Variants in NEK1 observed in about 807,000 individuals in gnomAD.
NEK1 encodes NIMA related kinase 1, also known as serine/threonine-protein kinase Nek1.
NEK1 carries 137 observed loss-of-function variants against 182.1 expected under a neutral mutation model. The observed-to-expected ratio is 0.75, with a 90% CI of 0.65 to 0.87. The LOEUF is 0.87. NEK1 is among the 40% of genes least tolerant of loss of function. NEK1 has a pLI of 0.00. For synonymous variants in NEK1, 513 were observed against 492.2 expected, an observed-to-expected ratio of 1.04 and a Z score of -0.56; for missense variants, 1,391 against 1,494.4, an observed-to-expected ratio of 0.93 and a Z score of 1.14.
At chr4:169,403,027 C>T (rs1427234233) in intron 32 of NEK1, among the ~76,000 whole-genome samples, 1 of 152,110 alleles carries the variant, frequency 6.6e-6, no homozygotes, top group African/African-American at 2.4e-5. Flanking sequence ...AGTTTAGACT[C>T]CAATCAAATA....
At chr4:169,458,772 T>C (rs997299216) in intron 27 of NEK1, among the ~76,000 whole-genome samples, 1 of 144,824 alleles carries the variant, frequency 6.9e-6, no homozygotes, top group Admixed American at 7.2e-5. Flanking sequence ...GAGGCTGCAG[T>C]GAGCCATGTT....
chr4:169,424,711 C>A lies in NEK1; in HGVS notation c.3064G>T (p.Glu1022Ter). ...ACTTGAGGGACTAAGTTCAAGTGTT[C>A]AGAATGAACCACCTTATGGAAAAAT... ...EPFFHKVVHS[E>*]HLNLVPQVQS... The change falls in exon 31 of 36, where the codon GAA becomes TAA. Residue 1022 changes from glutamate (E) to a stop codon, truncating the protein, a stop_gained. Coordinates refer to ENST00000507142, the MANE Select transcript of NEK1 (RefSeq NM_001199397.3). LOFTEE classifies it high-confidence loss of function. The A allele has an allele frequency of 6.2e-7, 1 of 1,613,764 alleles. No homozygotes were observed. Among genetic ancestry groups the A allele is most frequent in the South Asian group, 1.1e-5 (1 of 91,060 alleles).
intron 24 of NEK1, among the ~76,000 whole-genome samples, chr4:169,478,615 T>TA (rs919904833): frequency 1.9e-4 from 29 of 151,198 alleles, no homozygotes; most frequent in East Asian, 5.8e-4. Context: ...CCAAAGGCTA[T>TA]AAAAAAAAAC....
intron 29 of NEK1, among the ~76,000 whole-genome samples, chr4:169,431,743 C>T (rs1004342221): frequency 1.3e-5 from 2 of 149,052 alleles, no homozygotes; most frequent in Non-Finnish European, 3.0e-5. Context: ...AACCTGGGCA[C>T]CAAAATTAGA....
chr4:169,425,812 C>A (rs1012514563), intron 30 of NEK1, among the ~76,000 whole-genome samples: 1 of 152,122 alleles, frequency 6.6e-6, no homozygotes, highest in African/African-American at 2.4e-5. Context: ...GCCATTACAC[C>A]CAGCCTACCT....
At chr4:169,480,210 A>G (rs1747724617) in intron 23 of NEK1, among the ~76,000 whole-genome samples, 1 of 152,166 alleles carries the variant, frequency 6.6e-6, no homozygotes. Flanking sequence ...CTTTCTGGGG[A>G]GTATACATTT....
chr4:169,597,933 CA>C (rs907251814), intron 5 of NEK1, among the ~76,000 whole-genome samples: 2 of 150,226 alleles, frequency 1.3e-5, no homozygotes, highest in Non-Finnish European at 3.0e-5. Context: ...GACTCCGTCT[CA>C]AAAAAAATAA....
rs1772460177 is a variant in NEK1 at position 169,612,375 on chromosome 4, ACC to A, written c.-328_-327del. ...GTGCAGCAGGGGGAGTGCCTCCGTT[ACC>A]GCCTCTCCAACTTCACAGAGGTCGT... On this transcript the variant is annotated 5_prime_UTR_variant, in exon 1 of 36. Transcript: ENST00000507142. 2 of 151,678 alleles carry A rather than the reference ACC, an allele frequency of 1.3e-5. No homozygotes were observed. The highest frequency in any genetic ancestry group is 2.9e-5 in the Non-Finnish European group (2 of 67,948). 9.4% of individuals were successfully genotyped at this position (151,678 alleles called of 1,614,324 possible).
intron 12 of NEK1, among the ~76,000 whole-genome samples, chr4:169,570,021 G>A (rs1325569649): frequency 4.1e-5 from 6 of 145,054 alleles, no homozygotes; most frequent in Middle Eastern, 3.6e-3. Context: ...GGCTCTGCCC[G>A]GCCGCCATCC....
At chr4:169,543,723 C>G (rs1329064932) in intron 18 of NEK1, among the ~76,000 whole-genome samples, 2 of 151,960 alleles carry the variant, frequency 1.3e-5, no homozygotes, top group East Asian at 3.9e-4. Flanking sequence ...GTTGGATTCC[C>G]AGGTATTTTA....
chr4:169,395,555 GATC>G (rs1730542323), intron 35 of NEK1, among the ~76,000 whole-genome samples: 1 of 152,142 alleles, frequency 6.6e-6, no homozygotes, highest in East Asian at 1.9e-4. Context: ...AATGTAGTTG[GATC>G]ATTACTTTAT....
intron 31 of NEK1, among the ~76,000 whole-genome samples, chr4:169,413,414 C>T (rs562999853): frequency 6.6e-6 from 1 of 152,216 alleles, no homozygotes; most frequent in South Asian, 2.1e-4. Context: ...TTCAAGTGAT[C>T]CTCCTGCCTC....
At chr4:169,593,662 G>C (rs1768922935) in intron 5 of NEK1, among the ~76,000 whole-genome samples, 1 of 152,122 alleles carries the variant, frequency 6.6e-6, no homozygotes, top group South Asian at 2.1e-4. Context: ...TGACCACATG[G>C]GGTTGGACTT....
intron 23 of NEK1, among the ~76,000 whole-genome samples, chr4:169,503,113 C>T (rs561249054): frequency 7.2e-5 from 11 of 152,120 alleles, no homozygotes; most frequent in African/African-American, 2.6e-4. Flanking sequence ...ATCAGTAATG[C>T]AATCTCATTT....
chr4:169,486,340 C>A (rs559827996), intron 23 of NEK1, among the ~76,000 whole-genome samples: 10 of 152,262 alleles, frequency 6.6e-5, no homozygotes, highest in African/African-American at 2.4e-4. Context: ...GCAGTGCCAC[C>A]AAATGACGAA....
chr4:169,426,756 A>C (rs1736468041), intron 29 of NEK1, among the ~76,000 whole-genome samples: 1 of 152,238 alleles, frequency 6.6e-6, no homozygotes, highest in Non-Finnish European at 1.5e-5. Flanking sequence ...AGAGATCTAT[A>C]TAAACTGATT....
chr4:169,535,226 G>A (rs895167607), intron 19 of NEK1, among the ~76,000 whole-genome samples: 1 of 152,156 alleles, frequency 6.6e-6, no homozygotes, highest in African/African-American at 2.4e-5. Flanking sequence ...GGGAGGCTGA[G>A]GCAGAAGAAT....
Position 169,393,326 on chromosome 4 carries a change from TA to T in NEK1, c.*1183del, listed in dbSNP as rs1361260505. 14 of 152,214 alleles carry T rather than the reference TA, an allele frequency of 9.2e-5. No individual in the cohort carries two copies. Among genetic ancestry groups the T allele is most frequent in the East Asian group, 3.8e-4 (2 of 5,196 alleles). 9.4% of individuals were successfully genotyped at this position (152,214 alleles called of 1,614,324 possible). A position where few individuals can be genotyped will look rare whatever the true frequency, so the allele number is the denominator to read the frequency against. On this transcript the variant is annotated 3_prime_UTR_variant, in exon 36 of 36. Coordinates refer to ENST00000507142, the MANE Select transcript of NEK1 (RefSeq NM_001199397.3). ...AATATCATAAAATAAACACACATAT[TA>T]AAAAATCAAGTATTTAGTTTCGGAT...
chr4:169,407,361 T>C (rs944152190), intron 31 of NEK1, among the ~76,000 whole-genome samples: 1 of 152,168 alleles, frequency 6.6e-6, no homozygotes, highest in Non-Finnish European at 1.5e-5. Context: ...CACATACTGG[T>C]GAAATGAGGG....
Sources: allele counts gnomAD v4.1 joint callset (sites outside exome capture counted in the v4.1 genomes callset), GRCh38; gene constraint gnomAD v4.1.1; transcripts MANE v1.5; gene names NCBI Gene and HGNC (gene_info 2026-07-23, HGNC 2026-07-21).